The following ABCB11 variants were observed in gnomAD, a reference collection of about 807,000 sequenced individuals.
The protein encoded by ABCB11 is ATP binding cassette subfamily B member 11.
In ABCB11, 95 loss-of-function variants were observed where a neutral mutation model predicts 148.0. That is an observed-to-expected ratio of 0.64 (90% CI 0.54 to 0.76). The LOEUF is 0.76. Ranked by LOEUF, ABCB11 falls within the 30% of genes least tolerant of loss-of-function variation. ABCB11 has a pLI of 0.00. For missense variants in ABCB11, 1,523 were observed against 1,617.8 expected, an observed-to-expected ratio of 0.94 and a Z score of 1.01; for synonymous variants, 591 against 555.4, an observed-to-expected ratio of 1.06 and a Z score of -0.90.
At chr2:168,947,911 T>A (rs923715988) in intron 19 of ABCB11, among the ~76,000 whole-genome samples, 1 of 151,486 alleles carries the variant, frequency 6.6e-6, no homozygotes, top group African/African-American at 2.4e-5. Flanking sequence ...AAGCAGGTGC[T>A]CAAGAAGGAC....
intron 1 of ABCB11, among the ~76,000 whole-genome samples, chr2:169,019,368 G>A (rs1387604690): frequency 6.6e-6 from 1 of 152,090 alleles, no homozygotes; most frequent in Non-Finnish European, 1.5e-5. Flanking sequence ...CAAATTAACA[G>A]TAGACACCAA....
intron 21 of ABCB11, among the ~76,000 whole-genome samples, chr2:168,939,019 C>T (rs7572878): frequency 0.028 from 4,258 of 151,858 alleles, 123 homozygotes; most frequent in African/African-American, 0.074. Context: ...TATATAGGAA[C>T]ACTTTAAAAA....
chr2:169,025,443 G>A (rs894058206), intron 1 of ABCB11, among the ~76,000 whole-genome samples: 1 of 152,178 alleles, frequency 6.6e-6, no homozygotes, highest in Non-Finnish European at 1.5e-5. Context: ...CCAGCAAAAG[G>A]GAGATAGCAG....
chr2:168,925,832 C>T (rs979227540), intron 26 of ABCB11, among the ~76,000 whole-genome samples: 1 of 152,188 alleles, frequency 6.6e-6, no homozygotes, highest in Non-Finnish European at 1.5e-5. Context: ...ATGCAGTAAA[C>T]CAGCTCCATG....
chr2:168,918,075 C>T (rs1157828953), downstream of ABCB11, among the ~76,000 whole-genome samples: 1 of 151,988 alleles, frequency 6.6e-6, no homozygotes, highest in East Asian at 1.9e-4. Context: ...TTAAAATTAC[C>T]TATGTGGCTC....
chr2:168,960,063 C>T (rs1692999335), intron 18 of ABCB11, among the ~76,000 whole-genome samples: 1 of 151,546 alleles, frequency 6.6e-6, no homozygotes, highest in South Asian at 2.1e-4. Context: ...ATATTTCACC[C>T]CTTCTCTGTT....
intron 23 of ABCB11, among the ~76,000 whole-genome samples, chr2:168,934,021 A>T (rs1315913771): frequency 6.6e-6 from 1 of 152,120 alleles, no homozygotes; most frequent in Non-Finnish European, 1.5e-5. Context: ...AGGTGCTGAG[A>T]TTACAGGCAT....
chr2:168,969,077 G>A (rs967761868), intron 16 of ABCB11, among the ~76,000 whole-genome samples: 1 of 150,610 alleles, frequency 6.6e-6, no homozygotes, highest in Admixed American at 6.6e-5. Flanking sequence ...TACTGCGTGC[G>A]GAACACACTC....
At chr2:169,011,608 A>G (rs1695190251) in intron 5 of ABCB11, among the ~76,000 whole-genome samples, 1 of 152,156 alleles carries the variant, frequency 6.6e-6, no homozygotes, top group Non-Finnish European at 1.5e-5. Context: ...CTGTCACTGC[A>G]TATGTTTTTA....
chr2:169,026,829 C>G (rs1456344809), intron 1 of ABCB11, among the ~76,000 whole-genome samples: 1 of 152,096 alleles, frequency 6.6e-6, no homozygotes, highest in African/African-American at 2.4e-5. Context: ...TTTGCAGGTT[C>G]TTGAGAGTGT....
intron 21 of ABCB11, among the ~76,000 whole-genome samples, chr2:168,943,251 C>G (rs1692148311): frequency 6.6e-6 from 1 of 151,758 alleles, no homozygotes; most frequent in South Asian, 2.1e-4. Context: ...TACAGTACTC[C>G]AATGATGAGA....
intron 21 of ABCB11, among the ~76,000 whole-genome samples, chr2:168,944,229 C>T (rs968384548): frequency 6.6e-6 from 1 of 152,010 alleles, no homozygotes; most frequent in Admixed American, 6.6e-5. Context: ...CTAAACCACA[C>T]TCTGGGGTCC....
chr2:168,948,741 A>C (rs896962856), intron 19 of ABCB11, among the ~76,000 whole-genome samples: 1 of 151,776 alleles, frequency 6.6e-6, no homozygotes, highest in African/African-American at 2.4e-5. Context: ...TATAACTAGA[A>C]ATTCAGTTAA....
intron 17 of ABCB11, among the ~76,000 whole-genome samples, chr2:168,967,641 C>G (rs1158191659): frequency 1.3e-5 from 2 of 151,778 alleles, no homozygotes; most frequent in African/African-American, 4.8e-5. Context: ...AAATGGCAAT[C>G]ATAGAGATAT....
At chr2:168,977,061 T>C (rs908821641) in intron 11 of ABCB11, among the ~76,000 whole-genome samples, 1 of 148,198 alleles carries the variant, frequency 6.7e-6, no homozygotes, top group Admixed American at 6.8e-5. Flanking sequence ...ATTTATCATG[T>C]TGTTACTGAG....
intron 2 of ABCB11, among the ~76,000 whole-genome samples, chr2:169,017,436 A>G (rs1337597063): frequency 6.6e-6 from 1 of 152,196 alleles, no homozygotes; most frequent in Non-Finnish European, 1.5e-5. Context: ...AAAGTAAAGA[A>G]GCATGATAAT....
In ABCB11 at chr2:169,017,811, G is replaced by T. The variant is rs1573984594; in HGVS notation, c.76+239C>A. On this transcript the variant is annotated intron_variant, in intron 2 of 27. Transcript: ENST00000650372. Reference sequence around the variant, plus strand: ...AACAACCCTACTCTATCTAGGAAAGGTGTTGGTGAGAGATGCTTTCATTTA... The same window carrying T: ...AACAACCCTACTCTATCTAGGAAAGTTGTTGGTGAGAGATGCTTTCATTTA... 2.0e-5 allele frequency: 13 copies of T among 651,284 alleles called. No homozygotes were observed. The East Asian group carries it at 3.7e-4, about 18-fold the overall frequency. The allele number at this position is 651,284 out of a possible 1,614,324, so 40.3% of individuals were successfully genotyped here. A position where few individuals can be genotyped will look rare whatever the true frequency, so the allele number is the denominator to read the frequency against.
chr2:168,924,761 TAG>T lies in ABCB11; in HGVS notation c.3659_3660del (p.Ser1220Ter), dbSNP rs1691231110. 6.2e-7 allele frequency: 1 copy of T among 1,613,618 alleles called. No individual in the cohort carries two copies. ...ATAGCAATGCGTTGTTTCTCCCCTC[TAG>T]AGAGTTGAGACCCCTGGGACCCAAC... Reference protein sequence around the residue: ...TNVGSQGSQLSRGEKQRIAIA... With the variant: ...TNVGSQGSQLXRGEKQRIAIA... On this transcript the variant is annotated frameshift_variant, in exon 27 of 28. Transcript: ENST00000650372. LOFTEE classifies it high-confidence loss of function.
At position 168,969,375 on chromosome 2, in the gene ABCB11, T is replaced by C; in HGVS notation, c.1986A>G (p.Gln662=). 1 of 1,612,342 alleles carries C rather than the reference T, an allele frequency of 6.2e-7. No individual in the cohort carries two copies. The highest frequency in any genetic ancestry group is 8.5e-7 in the Non-Finnish European group (1 of 1,179,094). The change falls in exon 16 of 28, where the codon CAA becomes CAG. Residue 662 remains glutamine (Q), a synonymous_variant. Coordinates refer to ENST00000650372, the MANE Select transcript of ABCB11 (RefSeq NM_003742.4). ...TLVTLQSQGN[Q]ALNEEDIKDA... ...CCTTTATGTCCTCTTCATTAAGAGCTTGATTTCCCTGGCTTTGCAAAGTCA... is the reference window on the plus strand; with the variant it reads ...CCTTTATGTCCTCTTCATTAAGAGCCTGATTTCCCTGGCTTTGCAAAGTCA...
Sources: gnomAD v4.1 joint callset for allele counts (sites outside exome capture counted in the v4.1 genomes callset) on GRCh38, gnomAD v4.1.1 for gene constraint, MANE v1.5 for transcripts, NCBI Gene and HGNC (gene_info 2026-07-23, HGNC 2026-07-21) for gene names.